The following TEKT5 variants were observed in gnomAD, a reference collection of about 807,000 sequenced individuals.
The protein encoded by TEKT5 is tektin 5, also known as tektin-5.
Under a neutral mutation model 48.7 loss-of-function variants are expected in TEKT5, and 52 were observed. The ratio of observed to expected loss-of-function variants is 1.07; its 90% CI spans 0.86 to 1.35. TEKT5 has a LOEUF of 1.35. TEKT5 is among the 40% of genes most tolerant of loss of function. The probability of loss-of-function intolerance (pLI) is 0.00; values close to 1 mark genes in which losing one functional copy is unlikely to be tolerated. For missense variants in TEKT5, 831 were observed against 641.6 expected (o/e 1.30, Z -3.19); for synonymous variants, 318 against 267.6 (o/e 1.19, Z -1.84).
chr16:10,658,971 GTC>G (rs1244304187), intron 5 of TEKT5, among the ~76,000 whole-genome samples: 1 of 152,180 alleles, frequency 6.6e-6, no homozygotes, highest in Non-Finnish European at 1.5e-5. Flanking sequence ...ACCCACTTCA[GTC>G]TCCCAAAGTG....
chr16:10,664,974 G>C (rs1283294888), intron 5 of TEKT5, among the ~76,000 whole-genome samples: 6 of 152,226 alleles, frequency 3.9e-5, no homozygotes, highest in African/African-American at 1.2e-4. Flanking sequence ...CTGAAGCACA[G>C]AGAGGTAGGG....
intron 5 of TEKT5, among the ~76,000 whole-genome samples, chr16:10,664,165 T>C (rs1476096534): frequency 1.3e-5 from 2 of 152,240 alleles, no homozygotes; most frequent in South Asian, 4.1e-4. Flanking sequence ...CCCTCTAGAA[T>C]GTAAGCCCCC....
intron 5 of TEKT5, among the ~76,000 whole-genome samples, chr16:10,651,460 G>A (rs1256867206): frequency 6.6e-6 from 1 of 152,100 alleles, no homozygotes; most frequent in East Asian, 1.9e-4. Flanking sequence ...GCTCCCTTCT[G>A]AATTCCCAGT....
intron 5 of TEKT5, among the ~76,000 whole-genome samples, chr16:10,673,011 A>G (rs1162383896): frequency 6.6e-6 from 1 of 152,054 alleles, no homozygotes; most frequent in African/African-American, 2.4e-5. Context: ...CTCATTCTAC[A>G]AACAAGGAGA....
chr16:10,669,388 G>A (rs1898516991), intron 5 of TEKT5, among the ~76,000 whole-genome samples: 1 of 152,136 alleles, frequency 6.6e-6, no homozygotes, highest in Non-Finnish European at 1.5e-5. Flanking sequence ...GAACCTGGCA[G>A]GCGGAGGTTG....
chr16:10,671,082 T>C (rs1898541625), intron 5 of TEKT5, among the ~76,000 whole-genome samples: 1 of 152,146 alleles, frequency 6.6e-6, no homozygotes, highest in Admixed American at 6.5e-5. Context: ...CCTTTCTCTC[T>C]CCATCAGTAA....
chr16:10,666,125 G>A (rs1898452206), intron 5 of TEKT5, among the ~76,000 whole-genome samples: 1 of 152,180 alleles, frequency 6.6e-6, no homozygotes, highest in South Asian at 2.1e-4. Context: ...ATATAGGGGT[G>A]TGGATGCCCT....
At chr16:10,657,567 T>C (rs1311034258) in intron 5 of TEKT5, among the ~76,000 whole-genome samples, 2 of 151,670 alleles carry the variant, frequency 1.3e-5, no homozygotes, top group Non-Finnish European at 2.9e-5. Context: ...AGTCACGTTG[T>C]AGAAAAGTCA....
intron 3 of TEKT5, among the ~76,000 whole-genome samples, chr16:10,686,024 G>C (rs1898856982): frequency 6.6e-6 from 1 of 152,100 alleles, no homozygotes; most frequent in Non-Finnish European, 1.5e-5. Context: ...CAGCGCCACG[G>C]TTTTTCACAT....
intron 1 of TEKT5, 104 bp from the exon 2 acceptor site, chr16:10,690,129 G>A (rs1185622029): frequency 5.9e-5 from 73 of 1,241,818 alleles, no homozygotes; most frequent in African/African-American, 7.4e-5. Context: ...CCTTTCTCCC[G>A]GAAACCTGGG....
chr16:10,681,370 A>ACTCT lies in TEKT5; in HGVS notation c.863+619_863+622dup, dbSNP rs1458051750. Among the ~76,000 whole-genome samples, 671 of 148,030 alleles carry ACTCT rather than the reference A, an allele frequency of 4.5e-3. 13 individuals are homozygous for ACTCT. Among genetic ancestry groups the ACTCT allele is most frequent in the African/African-American group, 0.015 (608 of 39,974 alleles). ...GCCACGTAGCCTGGCTCCAGATTCC[A>ACTCT]CTCTCTGTCTCTCTCTCTCTCTCTC... On this transcript the variant is annotated intron_variant, in intron 4 of 6. Coordinates refer to ENST00000283025, the MANE Select transcript of TEKT5 (RefSeq NM_144674.2).
chr16:10,659,577 C>A (rs1029976870), intron 5 of TEKT5, among the ~76,000 whole-genome samples: 2 of 152,140 alleles, frequency 1.3e-5, no homozygotes, highest in Non-Finnish European at 2.9e-5. Flanking sequence ...GATGGGGTTT[C>A]ACCATGTTAG....
chr16:10,630,184 T>C (rs1897817725), intron 6 of TEKT5, among the ~76,000 whole-genome samples: 1 of 152,044 alleles, frequency 6.6e-6, no homozygotes, highest in South Asian at 2.1e-4. Context: ...TCTGCACAAC[T>C]CAGCCTCCCA....
At chr16:10,675,596 C>T (rs971082172) in intron 5 of TEKT5, among the ~76,000 whole-genome samples, 3 of 152,056 alleles carry the variant, frequency 2.0e-5, no homozygotes, top group East Asian at 1.9e-4. Flanking sequence ...CTGCTGTGGA[C>T]GGAGAAGATG....
chr16:10,652,451 A>AACACACAC lies in TEKT5; in HGVS notation c.1087-16541_1087-16534dup, dbSNP rs572277672. ...CAGCAATCCCTTATATACACAGGCA[A>AACACACAC]ACACACACACACACACACACACACA... On this transcript the variant is annotated intron_variant, in intron 5 of 6. Coordinates refer to ENST00000283025, the MANE Select transcript of TEKT5 (RefSeq NM_144674.2). Among the ~76,000 whole-genome samples, 390 of 66,750 alleles carry AACACACAC rather than the reference A, an allele frequency of 5.8e-3. 9 individuals are homozygous for AACACACAC. The highest frequency in any genetic ancestry group is 0.02 in the African/African-American group (303 of 15,418). 43.8% of individuals were successfully genotyped at this position (66,750 alleles called of 152,430 possible).
At chr16:10,638,392 G>A (rs113015082) in intron 5 of TEKT5, among the ~76,000 whole-genome samples, 62 of 151,080 alleles carry the variant, frequency 4.1e-4, no homozygotes, top group African/African-American at 1.4e-3. Context: ...TCCCTCTTCT[G>A]CGACAAGGCC....
At chr16:10,671,632 C>T (rs1472487392) in intron 5 of TEKT5, 1 of 152,168 alleles carries the variant, frequency 6.6e-6, no homozygotes, top group Non-Finnish European at 1.5e-5. Flanking sequence ...TTGTATTTGT[C>T]TGTTCTAATG....
At chr16:10,669,994 G>A (rs900152410) in intron 5 of TEKT5, among the ~76,000 whole-genome samples, 2 of 152,192 alleles carry the variant, frequency 1.3e-5, no homozygotes, top group Non-Finnish European at 2.9e-5. Context: ...GGCTTGGGGT[G>A]TGGCCGAGGT....
intron 5 of TEKT5, among the ~76,000 whole-genome samples, chr16:10,649,660 T>A (rs1898122619): frequency 1.3e-5 from 2 of 152,192 alleles, no homozygotes; most frequent in South Asian, 4.1e-4. Context: ...AGTCTTGAAC[T>A]CTGGGCCTCA....
Sources: allele counts gnomAD v4.1 joint callset (sites outside exome capture counted in the v4.1 genomes callset), GRCh38; gene constraint gnomAD v4.1.1; transcripts MANE v1.5; gene names NCBI Gene and HGNC (gene_info 2026-07-23, HGNC 2026-07-21).